Variants in CHCHD3 observed in about 807,000 individuals in gnomAD.
The protein encoded by CHCHD3 is coiled-coil-helix-coiled-coil-helix domain containing 3, also known as MICOS complex subunit MIC19.
A neutral mutation model predicts 38.2 loss-of-function variants in CHCHD3; 20 were observed. The ratio of observed to expected loss-of-function variants is 0.52; its 90% CI spans 0.37 to 0.76. CHCHD3 has a LOEUF of 0.76. Among genes scored for constraint, CHCHD3 ranks in the 30% least tolerant of loss-of-function variants. The probability of loss-of-function intolerance (pLI) is 0.00; values close to 1 mark genes in which losing one functional copy is unlikely to be tolerated. For missense variants in CHCHD3, 245 were observed against 279.2 expected, an observed-to-expected ratio of 0.88 and a Z score of 0.87; for synonymous variants, 82 against 100.0, an observed-to-expected ratio of 0.82 and a Z score of 1.07.
intron 4 of CHCHD3, among the ~76,000 whole-genome samples, chr7:132,903,901 A>C (rs1252952988): frequency 6.6e-6 from 1 of 152,212 alleles, no homozygotes; most frequent in African/African-American, 2.4e-5. Context: ...AGTATATTAC[A>C]TGTAAAATCA....
At position 132,943,052 on chromosome 7, in the gene CHCHD3, TCTTAA is replaced by T. The variant is rs1214254672; in HGVS notation, c.369+32112_369+32116del. On this transcript the variant is annotated intron_variant, in intron 4 of 7. Coordinates refer to ENST00000262570, the MANE Select transcript of CHCHD3 (RefSeq NM_017812.4). ...AAGCATGAAAAGATCCTATTTTTTG[TCTTAA>T]CTTAAGCATACTCTAAGAAATAGAC... Among the ~76,000 whole-genome samples the T allele has an allele frequency of 8.5e-5, 13 of 152,316 alleles. No individual in the cohort carries two copies. The East Asian group carries it at 1.7e-3, about 20-fold the overall frequency.
intron 5 of CHCHD3, among the ~76,000 whole-genome samples, chr7:132,884,166 C>T (rs548168120): frequency 1.3e-5 from 2 of 152,190 alleles, no homozygotes; most frequent in South Asian, 4.1e-4. Flanking sequence ...TCCCAAACCC[C>T]CCAGCCTTCC....
chr7:132,836,207 G>A (rs756688236), intron 6 of CHCHD3, among the ~76,000 whole-genome samples: 12 of 151,892 alleles, frequency 7.9e-5, no homozygotes, highest in African/African-American at 1.5e-4. Flanking sequence ...TTTGCCTCTC[G>A]GATTCAAGCG....
rs138463052 is a variant in CHCHD3, at chr7:132,905,413, A to G, written c.370-19668T>C. On this transcript the variant is annotated intron_variant, in intron 4 of 7. Coordinates refer to ENST00000262570, the MANE Select transcript of CHCHD3 (RefSeq NM_017812.4). Reference sequence around the variant, plus strand: ...AGCTGAACAATGAGAACACATGGACACATGGGGGGAAACAACACACACTGG... The same window carrying G: ...AGCTGAACAATGAGAACACATGGACGCATGGGGGGAAACAACACACACTGG... Among the ~76,000 whole-genome samples, 409 of 152,006 alleles carry G rather than the reference A, an allele frequency of 2.7e-3. 9 individuals carry two copies. The East Asian group carries it at 0.043, about 16-fold the overall frequency.
chr7:132,975,289 A>G lies in CHCHD3; in HGVS notation c.252-3T>C, dbSNP rs553140540. ...CCAGCTCTTTGGCTTGCTTTAGTCT[A>G]AAATGACAAGAATTGTCTAAGTTAG... On this transcript the variant is annotated splice_region_variant and splice_polypyrimidine_tract_variant and intron_variant, in intron 3 of 7. Transcript: ENST00000262570. 259 of 1,608,688 alleles carry G rather than the reference A, an allele frequency of 1.6e-4. 2 individuals carry two copies. In the South Asian group the frequency reaches 2.7e-3, roughly 17 times the overall value.
At chr7:132,822,392 C>T (rs189883795) in intron 6 of CHCHD3, among the ~76,000 whole-genome samples, 6 of 151,880 alleles carry the variant, frequency 4.0e-5, no homozygotes, top group Non-Finnish European at 7.4e-5. Flanking sequence ...TCAAAAAAGC[C>T]TATAATTTTC....
intron 4 of CHCHD3, among the ~76,000 whole-genome samples, chr7:132,953,667 T>TGAGC (rs1438981513): frequency 6.6e-6 from 1 of 152,198 alleles, no homozygotes; most frequent in Non-Finnish European, 1.5e-5. Flanking sequence ...GAAGTGTTAG[T>TGAGC]GAGCTCCTGT....
At chr7:132,948,742 G>A (rs925981044) in intron 4 of CHCHD3, among the ~76,000 whole-genome samples, 5 of 152,036 alleles carry the variant, frequency 3.3e-5, no homozygotes, top group African/African-American at 1.2e-4. Context: ...CTTTAAAATG[G>A]CAAAACAGAT....
intron 4 of CHCHD3, among the ~76,000 whole-genome samples, chr7:132,891,616 A>AT (rs1458720306): frequency 1.3e-5 from 2 of 152,186 alleles, no homozygotes; most frequent in Non-Finnish European, 2.9e-5. Flanking sequence ...AAGTTTCTTC[A>AT]TACTAATAAC....
In CHCHD3 at chr7:132,842,054, C is replaced by T. The variant is rs188676192; in HGVS notation, c.454-3585G>A. ...TGGAGGTTGCAGTGAGCCAAGATCG[C>T]GCCATTGCATTCCAGCCTGGGCGAC... On this transcript the variant is annotated intron_variant, in intron 5 of 7. Coordinates refer to ENST00000262570, the MANE Select transcript of CHCHD3 (RefSeq NM_017812.4). Among the ~76,000 whole-genome samples, 657 of 151,948 alleles carry T rather than the reference C, an allele frequency of 4.3e-3. 4 individuals carry two copies. Among genetic ancestry groups the T allele is most frequent in the South Asian group, 0.015 (73 of 4,808 alleles).
At chr7:132,969,450 C>G (rs948892868) in intron 4 of CHCHD3, among the ~76,000 whole-genome samples, 14 of 152,184 alleles carry the variant, frequency 9.2e-5, no homozygotes, top group Admixed American at 8.5e-4. Flanking sequence ...GGTGCAGTAT[C>G]TGAGGCCAGG....
At chr7:133,004,359 T>C (rs1327134757) in intron 3 of CHCHD3, among the ~76,000 whole-genome samples, 1 of 152,182 alleles carries the variant, frequency 6.6e-6, no homozygotes, top group Non-Finnish European at 1.5e-5. Flanking sequence ...TTATCAGTCA[T>C]CTATCTAAGG....
intron 5 of CHCHD3, among the ~76,000 whole-genome samples, chr7:132,868,423 A>G (rs1008545045): frequency 4.6e-5 from 7 of 152,128 alleles, no homozygotes; most frequent in Non-Finnish European, 1.0e-4. Flanking sequence ...ATGCCTTTTG[A>G]GTAATTTAGT....
chr7:133,027,993 A>G (rs1813393320), intron 2 of CHCHD3, among the ~76,000 whole-genome samples: 1 of 152,214 alleles, frequency 6.6e-6, no homozygotes, highest in Admixed American at 6.5e-5. Flanking sequence ...ATTCTAGACT[A>G]TAGACTTCAC....
At chr7:132,884,143 A>T (rs2117172862) in intron 5 of CHCHD3, among the ~76,000 whole-genome samples, 1 of 152,190 alleles carries the variant, frequency 6.6e-6, no homozygotes, top group East Asian at 1.9e-4. Context: ...CAGCAGCCAG[A>T]GGGTTCATCT....
chr7:132,836,699 T>G (rs145523434), intron 6 of CHCHD3, among the ~76,000 whole-genome samples: 363 of 152,060 alleles, frequency 2.4e-3, no homozygotes, highest in African/African-American at 8.3e-3. Flanking sequence ...GGTTTTGAAC[T>G]TCAGGCCTCA....
chr7:133,030,260 G>A lies in CHCHD3; in HGVS notation c.170-5633C>T, dbSNP rs1001739262. ...TCAATAGAATACATAAAGCAATACT[G>A]TATTTCTTCTGATAGGTCTGACCCA... On this transcript the variant is annotated intron_variant, in intron 2 of 7. Transcript: ENST00000262570. 2.0e-5 allele frequency among the ~76,000 whole-genome samples: 3 copies of A among 152,254 alleles called. 1 individual carries two copies. In the South Asian group the frequency reaches 6.2e-4, roughly 32 times the overall value.
chr7:133,033,537 G>C (rs1430487417), intron 2 of CHCHD3, among the ~76,000 whole-genome samples: 2 of 152,014 alleles, frequency 1.3e-5, no homozygotes, highest in African/African-American at 4.8e-5. Context: ...TTTTAGACAG[G>C]GCTAAAATAT....
At chr7:132,916,468 G>A (rs1391987142) in intron 4 of CHCHD3, among the ~76,000 whole-genome samples, 2 of 148,538 alleles carry the variant, frequency 1.3e-5, no homozygotes, top group Admixed American at 1.3e-4. Flanking sequence ...CCGAAAATAA[G>A]TGAGTACTGT....
Sources: gnomAD v4.1 joint callset for allele counts (sites outside exome capture counted in the v4.1 genomes callset) on GRCh38, gnomAD v4.1.1 for gene constraint, MANE v1.5 for transcripts, NCBI Gene and HGNC (gene_info 2026-07-23, HGNC 2026-07-21) for gene names.